ARHGAP31: variants seen among roughly 807,000 people sequenced by gnomAD.
ARHGAP31 encodes the protein Rho GTPase activating protein 31.
In ARHGAP31, 34 loss-of-function variants were observed where a neutral mutation model predicts 113.9. That is an observed-to-expected ratio of 0.30 (90% CI 0.23 to 0.40). The LOEUF is 0.40. Among genes scored for constraint, ARHGAP31 ranks in the 10% least tolerant of loss-of-function variants. ARHGAP31 has a pLI of 1.00. For missense variants in ARHGAP31, 1,548 were observed against 1,767.1 expected (o/e 0.88, Z 2.22); for synonymous variants, 650 against 684.8 (o/e 0.95, Z 0.79).
In ARHGAP31 at chr3:119,415,679, T is replaced by G; in HGVS notation, c.3750T>G (p.Asp1250Glu). Reference sequence around the variant, plus strand: ...CCACTCAGAAACCTGCCAAAGATGATTCTCCCTCCTCCCTGGAAAGCTCAA... The same window carrying G: ...CCACTCAGAAACCTGCCAAAGATGAGTCTCCCTCCTCCCTGGAAAGCTCAA... Reference protein sequence around the residue: ...SGTTQKPAKDDSPSSLESSKE... With the variant: ...SGTTQKPAKDESPSSLESSKE... The change falls in exon 12 of 12, where the codon GAT (aspartate) becomes GAG (glutamate). Residue 1250 changes from aspartate (D) to glutamate (E), a missense_variant. Physicochemically the swap from Asp to Glu is conservative, Grantham distance 45. Coordinates refer to ENST00000264245, the MANE Select transcript of ARHGAP31 (RefSeq NM_020754.4). 6.2e-7 allele frequency: 1 copy of G among 1,613,978 alleles called. No homozygotes were observed. Among genetic ancestry groups the G allele is most frequent in the Non-Finnish European group, 8.5e-7 (1 of 1,179,988 alleles).
intron 1 of ARHGAP31, among the ~76,000 whole-genome samples, chr3:119,305,940 G>A (rs903591176): frequency 6.6e-6 from 1 of 152,148 alleles, no homozygotes; most frequent in Non-Finnish European, 1.5e-5. Flanking sequence ...TCCTAAGCCT[G>A]ACTTCCAAAT....
At position 119,411,953 on chromosome 3, in the gene ARHGAP31, AAAC is replaced by A. The variant is rs372898295; in HGVS notation, c.1927-1897_1927-1895del. ...CAAGCATTAAAGTAACTGTAATATG[AAAC>A]AACAAGTGATTAGAGCTAGGTGAGA... On this transcript the variant is annotated intron_variant, in intron 11 of 11. Transcript: ENST00000264245. Among the ~76,000 whole-genome samples, 326 of 152,310 alleles carry A rather than the reference AAAC, an allele frequency of 2.1e-3. 3 individuals carry two copies. Among genetic ancestry groups the A allele is most frequent in the African/African-American group, 7.6e-3 (315 of 41,556 alleles).
At position 119,414,112 on chromosome 3, in the gene ARHGAP31, A is replaced by T. The variant is rs1488223840; in HGVS notation, c.2183A>T (p.Gln728Leu). 1.2e-6 allele frequency: 2 copies of T among 1,614,066 alleles called. No individual in the cohort carries two copies. Among genetic ancestry groups the T allele is most frequent in the African/African-American group, 2.7e-5 (2 of 74,924 alleles). Reference sequence around the variant, plus strand: ...AGGGATCCAGCCAATCAGAGCACACAGGGGGCTTCCACAGCAGCCAGCAGA... The same window carrying T: ...AGGGATCCAGCCAATCAGAGCACACTGGGGGCTTCCACAGCAGCCAGCAGA... Reference protein sequence around the residue: ...WTRDPANQSTQGASTAASREK... With the variant: ...WTRDPANQSTLGASTAASREK... The change falls in exon 12 of 12, where the codon CAG (glutamine) becomes CTG (leucine). Residue 728 changes from glutamine to leucine, a missense_variant. Coordinates refer to ENST00000264245, the MANE Select transcript of ARHGAP31 (RefSeq NM_020754.4).
At chr3:119,313,583 A>G (rs2079701755) in intron 1 of ARHGAP31, among the ~76,000 whole-genome samples, 1 of 152,226 alleles carries the variant, frequency 6.6e-6, no homozygotes, top group Admixed American at 6.5e-5. Flanking sequence ...AGTATTCGTG[A>G]GGGATTTTGT....
At chr3:119,365,539 G>A (rs975548730) in intron 2 of ARHGAP31, 121 bp downstream of exon 2, 6 of 858,516 alleles carry the variant, frequency 7.0e-6, no homozygotes, top group Admixed American at 4.0e-5. Flanking sequence ...TGGCAGCACC[G>A]AAGATCAGAT....
intron 6 of ARHGAP31, 23 bp downstream of exon 6, chr3:119,383,249 A>T (rs764873014): frequency 6.2e-7 from 1 of 1,613,704 alleles, no homozygotes; most frequent in Admixed American, 1.7e-5. Flanking sequence ...CCTAGCATAC[A>T]CTCCACCAGC....
intron 1 of ARHGAP31, among the ~76,000 whole-genome samples, chr3:119,332,623 TCTCTCTCTCTCTCA>T (rs1559969704): frequency 2.5e-5 from 3 of 118,740 alleles, no homozygotes; most frequent in African/African-American, 7.6e-5. Flanking sequence ...TCTCTCTCTC[TCTCTCTCTCTCTCA>T]CACACACACA....
chr3:119,387,516 C>G (rs1245646138), intron 6 of ARHGAP31, among the ~76,000 whole-genome samples: 3 of 152,058 alleles, frequency 2.0e-5, no homozygotes, highest in African/African-American at 4.8e-5. Context: ...TGTCTCTTGC[C>G]TCGGTGCCTG....
At chr3:119,305,952 G>C (rs552744520) in intron 1 of ARHGAP31, among the ~76,000 whole-genome samples, 5 of 152,084 alleles carry the variant, frequency 3.3e-5, no homozygotes, top group African/African-American at 1.2e-4. Context: ...CTTCCAAATG[G>C]GGCATGGTTT....
At chr3:119,365,110 A>C (rs1440057997) in intron 1 of ARHGAP31, among the ~76,000 whole-genome samples, 1 of 152,178 alleles carries the variant, frequency 6.6e-6, no homozygotes, top group Non-Finnish European at 1.5e-5. Context: ...AAACAAAAAA[A>C]CAATTCTTTA....
Position 119,294,603 on chromosome 3 carries a change from C to T in ARHGAP31, c.-302C>T, listed in dbSNP as rs1559957208. The T allele has an allele frequency of 1.9e-6, 1 of 534,970 alleles. No homozygotes were observed. The highest frequency in any genetic ancestry group is 2.7e-5 in the South Asian group (1 of 36,826). The allele number at this position is 534,970 out of a possible 1,614,324, so 33.1% of individuals were successfully genotyped here. A position where few individuals can be genotyped will look rare whatever the true frequency, so the allele number is the denominator to read the frequency against. ...GAAACACCCGAAGACACCGCAGGAG[C>T]CTGTGAAAGTCCCTAGGACTCCAAG... On this transcript the variant is annotated 5_prime_UTR_variant, in exon 1 of 12. Coordinates refer to ENST00000264245, the MANE Select transcript of ARHGAP31 (RefSeq NM_020754.4).
chr3:119,299,955 C>T (rs1471406792), intron 1 of ARHGAP31, among the ~76,000 whole-genome samples: 1 of 152,202 alleles, frequency 6.6e-6, no homozygotes, highest in Non-Finnish European at 1.5e-5. Context: ...TTGCCTGGCA[C>T]ATCGTGGTCA....
intron 3 of ARHGAP31, 110 bp downstream of exon 3, chr3:119,368,626 T>G (rs961842870): frequency 2.9e-6 from 4 of 1,387,076 alleles, no homozygotes; most frequent in Non-Finnish European, 3.0e-6. Flanking sequence ...GTTGACATTA[T>G]CTTAGCGTGG....
At position 119,416,656 on chromosome 3, in the gene ARHGAP31, G is replaced by C. The variant is rs1207904360; in HGVS notation, c.*392G>C. ...TCTTTGAAAGAAAGAAAAATCTCTT[G>C]CTGTGTCAAACCTCAAAATGTTGCT... On this transcript the variant is annotated 3_prime_UTR_variant, in exon 12 of 12. Coordinates refer to ENST00000264245, the MANE Select transcript of ARHGAP31 (RefSeq NM_020754.4). The C allele has an allele frequency of 1.0e-5, 3 of 296,078 alleles. No individual in the cohort carries two copies. Among genetic ancestry groups the C allele is most frequent in the Non-Finnish European group, 2.0e-5 (3 of 153,806 alleles). The allele number at this position is 296,078 out of a possible 1,614,324, so 18.3% of individuals were successfully genotyped here.
intron 1 of ARHGAP31, chr3:119,324,758 T>C: frequency 3.1e-6 from 1 of 319,860 alleles, no homozygotes; most frequent in South Asian, 2.6e-5. Context: ...TAGCCCTTAG[T>C]GTAGGTGAAG....
At chr3:119,407,071 C>G (rs117375647) in intron 10 of ARHGAP31, among the ~76,000 whole-genome samples, 1 of 152,018 alleles carries the variant, frequency 6.6e-6, no homozygotes. Context: ...TCATGCTGGG[C>G]GCGATGGCTC....
chr3:119,368,987 T>G (rs12636459), intron 3 of ARHGAP31, among the ~76,000 whole-genome samples: 27,519 of 151,694 alleles, frequency 0.18, 2,623 homozygotes, highest in South Asian at 0.29. Context: ...TGTCAAGAGG[T>G]GTCAGAAAGC....
chr3:119,377,676 G>A (rs1344378024), intron 3 of ARHGAP31, among the ~76,000 whole-genome samples: 1 of 151,834 alleles, frequency 6.6e-6, no homozygotes, highest in African/African-American at 2.4e-5. Context: ...TGCCCTGAAG[G>A]ACACACAGTG....
intron 1 of ARHGAP31, among the ~76,000 whole-genome samples, chr3:119,334,037 C>T (rs1019929938): frequency 6.6e-6 from 1 of 152,184 alleles, no homozygotes; most frequent in African/African-American, 2.4e-5. Flanking sequence ...CAGATGTGCC[C>T]TAGACAGTGC....
Sources: allele counts gnomAD v4.1 joint callset (sites outside exome capture counted in the v4.1 genomes callset), GRCh38; gene constraint gnomAD v4.1.1; transcripts MANE v1.5; gene names NCBI Gene and HGNC (gene_info 2026-07-23, HGNC 2026-07-21).